Variants in GPT2 observed in about 807,000 individuals in gnomAD.
The protein encoded by GPT2 is alanine aminotransferase 2.
A neutral mutation model predicts 56.9 loss-of-function variants in GPT2; 30 were observed. The observed-to-expected ratio is 0.53, with a 90% CI of 0.39 to 0.72. The LOEUF is 0.72. Among genes scored for constraint, GPT2 ranks in the 30% least tolerant of loss-of-function variants. GPT2 has a pLI of 0.00. For missense variants in GPT2, 542 were observed against 703.4 expected (o/e 0.77, Z 2.60); for synonymous variants, 271 against 283.1 (o/e 0.96, Z 0.43).
At chr16:46,906,278 A>G (rs932101337) in intron 4 of GPT2, among the ~76,000 whole-genome samples, 1 of 152,014 alleles carries the variant, frequency 6.6e-6, no homozygotes, top group Non-Finnish European at 1.5e-5. Context: ...CACCACATTG[A>G]CCAGGCTTGT....
intron 9 of GPT2, among the ~76,000 whole-genome samples, chr16:46,923,558 C>T (rs925725323): frequency 2.6e-5 from 4 of 152,222 alleles, no homozygotes; most frequent in African/African-American, 7.2e-5. Flanking sequence ...TGGCCCGTGT[C>T]GTGATTCCAG....
In GPT2 at chr16:46,916,559, G is replaced by A. The variant is rs550306636; in HGVS notation, c.821-69G>A. The A allele has an allele frequency of 1.5e-5, 18 of 1,169,522 alleles. No individual in the cohort carries two copies. In the South Asian group the frequency reaches 2.1e-4, roughly 13 times the overall value. The allele number at this position is 1,169,522 out of a possible 1,614,324, so 72.4% of individuals were successfully genotyped here. A position where few individuals can be genotyped will look rare whatever the true frequency, so the allele number is the denominator to read the frequency against. ...ACAGGGCACTGAGTGATTCTGGATG[G>A]GCTTCTGACCTGGGGACAATTTAAA... On this transcript the variant is annotated intron_variant, in intron 6 of 11. Transcript: ENST00000340124.
At chr16:46,921,766 C>G (rs1418429399) in intron 8 of GPT2, among the ~76,000 whole-genome samples, 1 of 152,100 alleles carries the variant, frequency 6.6e-6, no homozygotes, top group African/African-American at 2.4e-5. Flanking sequence ...CCTGTAATCC[C>G]AGCACTTTGG....
At chr16:46,894,287 C>T (rs1295771189) in intron 2 of GPT2, among the ~76,000 whole-genome samples, 1 of 152,192 alleles carries the variant, frequency 6.6e-6, no homozygotes, top group African/African-American at 2.4e-5. Flanking sequence ...GCCCAGGGCC[C>T]ACAGCTGTGT....
At chr16:46,893,019 A>G (rs932005962) in intron 2 of GPT2, among the ~76,000 whole-genome samples, 2 of 152,248 alleles carry the variant, frequency 1.3e-5, no homozygotes, top group Non-Finnish European at 1.5e-5. Flanking sequence ...TACGTAGTAC[A>G]TATTGTGTAA....
At chr16:46,901,321 C>T (rs1184895346) in intron 4 of GPT2, among the ~76,000 whole-genome samples, 1 of 152,172 alleles carries the variant, frequency 6.6e-6, no homozygotes, top group African/African-American at 2.4e-5. Context: ...CCCCTCAAGC[C>T]GGCCCTCACT....
rs1392351488 is a variant in GPT2, at chr16:46,929,114, C to T, written c.*117C>T. The T allele has an allele frequency of 9.4e-6, 7 of 745,218 alleles. No individual in the cohort carries two copies. The highest frequency in any genetic ancestry group is 3.5e-5 in the African/African-American group (2 of 57,062). 46.2% of individuals were successfully genotyped at this position (745,218 alleles called of 1,614,324 possible). A position where few individuals can be genotyped will look rare whatever the true frequency, so the allele number is the denominator to read the frequency against. On this transcript the variant is annotated 3_prime_UTR_variant, in exon 12 of 12. Coordinates refer to ENST00000340124, the MANE Select transcript of GPT2 (RefSeq NM_133443.4). ...GCCTCGCAGAGGCCGCTGGTCACTTCGTCATCATTTTGCCCCTGGAGACGT... is the reference window on the plus strand; with the variant it reads ...GCCTCGCAGAGGCCGCTGGTCACTTTGTCATCATTTTGCCCCTGGAGACGT...
intron 10 of GPT2, among the ~76,000 whole-genome samples, chr16:46,924,856 T>A (rs1381440886): frequency 1.3e-5 from 2 of 151,930 alleles, no homozygotes; most frequent in African/African-American, 4.8e-5. Flanking sequence ...AGCTACCACC[T>A]CCACCCAGCC....
At chr16:46,918,788 C>T (rs1172548479) in intron 8 of GPT2, 31 bp downstream of exon 8, 1 of 1,610,656 alleles carries the variant, frequency 6.2e-7, no homozygotes, top group Non-Finnish European at 8.5e-7. Flanking sequence ...TCTGCCACTG[C>T]TGGGCCTGCC....
chr16:46,909,551 G>A, intron 5 of GPT2, 133 bp from the exon 6 acceptor site: 1 of 996,940 alleles, frequency 1.0e-6, no homozygotes, highest in Admixed American at 2.7e-5. Context: ...TACAGATGAG[G>A]AAACTGAGAC....
chr16:46,886,889 T>C (rs1456413359), intron 2 of GPT2, among the ~76,000 whole-genome samples: 2 of 152,164 alleles, frequency 1.3e-5, no homozygotes, highest in African/African-American at 2.4e-5. Context: ...TTGAGTTTTT[T>C]TGGCCACCTA....
In GPT2 at chr16:46,906,979, C is replaced by T. The variant is rs1008373880; in HGVS notation, c.576+4C>T. The T allele has an allele frequency of 6.8e-6, 11 of 1,614,172 alleles. No individual in the cohort carries two copies. Among genetic ancestry groups the T allele is most frequent in the East Asian group, 6.7e-5 (3 of 44,876 alleles). On this transcript the variant is annotated splice_donor_region_variant and intron_variant, in intron 5 of 11. Transcript: ENST00000340124. Reference sequence around the variant, plus strand: ...GGGAGCTAGTGACGGCATTTCTGTACGTGTGAGGGTGGCTCGTTGTTATCC... The same window carrying T: ...GGGAGCTAGTGACGGCATTTCTGTATGTGTGAGGGTGGCTCGTTGTTATCC...
intron 7 of GPT2, among the ~76,000 whole-genome samples, chr16:46,917,835 T>C (rs934258578): frequency 6.6e-6 from 1 of 152,106 alleles, no homozygotes; most frequent in East Asian, 1.9e-4. Context: ...GGGCCTGATA[T>C]CTTCATTTCT....
At chr16:46,921,044 T>C (rs910781107) in intron 8 of GPT2, among the ~76,000 whole-genome samples, 2 of 152,342 alleles carry the variant, frequency 1.3e-5, no homozygotes, top group Middle Eastern at 3.4e-3. Flanking sequence ...CCATTTTTGT[T>C]ACCAGACACT....
At position 46,926,014 on chromosome 16, in the gene GPT2, C is replaced by T. The variant is rs1427583340; in HGVS notation, c.1369-911C>T. Among the ~76,000 whole-genome samples, 4 of 151,388 alleles carry T rather than the reference C, an allele frequency of 2.6e-5. No individual in the cohort carries two copies. The South Asian group carries it at 6.3e-4, about 24-fold the overall frequency. On this transcript the variant is annotated intron_variant, in intron 10 of 11. Coordinates refer to ENST00000340124, the MANE Select transcript of GPT2 (RefSeq NM_133443.4). ...GACATGGTGGCCTGCAGTGTAATCCCAGCTACTCTGGAGGCTGAGGCAGGG... is the reference window on the plus strand; with the variant it reads ...GACATGGTGGCCTGCAGTGTAATCCTAGCTACTCTGGAGGCTGAGGCAGGG...
At chr16:46,920,408 G>C (rs1319317790) in intron 8 of GPT2, among the ~76,000 whole-genome samples, 1 of 152,220 alleles carries the variant, frequency 6.6e-6, no homozygotes, top group African/African-American at 2.4e-5. Context: ...AAGATTGTTG[G>C]AGCTCTAAGC....
rs188882249 is a variant in GPT2 at position 46,914,282 on chromosome 16, A to C, written c.821-2346A>C. ...CTGGGTGCGGTGGCTCACGCCTGTA[A>C]TCTCAGCACTTTGGGAGGCCGAGGC... On this transcript the variant is annotated intron_variant, in intron 6 of 11. Transcript: ENST00000340124. Among the ~76,000 whole-genome samples, 433 of 152,276 alleles carry C rather than the reference A, an allele frequency of 2.8e-3. 2 individuals are homozygous for C. In the Middle Eastern group the frequency reaches 0.058, roughly 20 times the overall value.
intron 7 of GPT2, among the ~76,000 whole-genome samples, chr16:46,916,989 G>A (rs956403440): frequency 5.3e-5 from 8 of 152,184 alleles, no homozygotes; most frequent in African/African-American, 1.7e-4. Context: ...TCACAGGTAC[G>A]CAGCTGGATC....
chr16:46,924,832 G>A (rs1246066646), intron 10 of GPT2, among the ~76,000 whole-genome samples: 1 of 152,218 alleles, frequency 6.6e-6, no homozygotes, highest in Non-Finnish European at 1.5e-5. Context: ...GATGCCTGCG[G>A]GGGAAGCAGC....
Sources: gnomAD v4.1 joint callset for allele counts (sites outside exome capture counted in the v4.1 genomes callset) on GRCh38, gnomAD v4.1.1 for gene constraint, MANE v1.5 for transcripts, NCBI Gene and HGNC (gene_info 2026-07-23, HGNC 2026-07-21) for gene names.